The following WDFY1 variants were observed in gnomAD, a reference collection of about 807,000 sequenced individuals.
WDFY1 encodes the protein WD repeat and FYVE domain containing 1.
WDFY1 carries 32 observed loss-of-function variants against 56.4 expected under a neutral mutation model. The observed-to-expected ratio is 0.57, with a 90% confidence interval of 0.43 to 0.76. The LOEUF (loss-of-function observed/expected upper bound fraction) is 0.76, where lower values mean the gene tolerates loss of function less well. Among genes scored for constraint, WDFY1 ranks in the 30% least tolerant of loss-of-function variants. The pLI, the probability that WDFY1 is intolerant of heterozygous loss-of-function variation, is 0.00. For missense variants in WDFY1, 480 were observed against 545.7 expected, an observed-to-expected ratio of 0.88 and a Z score of 1.20; for synonymous variants, 192 against 197.3, an observed-to-expected ratio of 0.97 and a Z score of 0.23.
chr2:223,920,767 C>T (rs1237202338), intron 1 of WDFY1, among the ~76,000 whole-genome samples: 1 of 152,214 alleles, frequency 6.6e-6, no homozygotes, highest in African/African-American at 2.4e-5. Flanking sequence ...TCAGTGGATG[C>T]ATCCCTCCTC....
chr2:223,927,724 T>G (rs1272027515), intron 1 of WDFY1, among the ~76,000 whole-genome samples: 1 of 152,254 alleles, frequency 6.6e-6, no homozygotes, highest in African/African-American at 2.4e-5. Context: ...CTTGGCTGTT[T>G]GGTGCAAAAG....
rs1559165286 is a variant in WDFY1, at chr2:223,895,544, CGATGTCCCACAT to C, written c.673_684del (p.Met225_Ile228del). Reference sequence around the variant, plus strand: ...AACAGCGTCCGGCCTTTCCTTCCTCCGATGTCCCACATGATGATGCTGTTGTCAGATGCTCCT... The same window carrying C: ...AACAGCGTCCGGCCTTTCCTTCCTCCGATGATGCTGTTGTCAGATGCTCCT... On this transcript the variant is annotated inframe_deletion, in exon 7 of 12. Transcript: ENST00000233055. 3 of 1,614,018 alleles carry C rather than the reference CGATGTCCCACAT, an allele frequency of 1.9e-6. No homozygotes were observed. The Admixed American group carries it at 5.0e-5, about 27-fold the overall frequency.
At chr2:223,934,579 G>A (rs540439745) in intron 1 of WDFY1, among the ~76,000 whole-genome samples, 9 of 152,220 alleles carry the variant, frequency 5.9e-5, no homozygotes, top group Admixed American at 2.0e-4. Flanking sequence ...GGAGTGCAAT[G>A]GTACTATCTC....
intron 6 of WDFY1, among the ~76,000 whole-genome samples, chr2:223,896,018 T>C (rs1282816752): frequency 6.6e-6 from 1 of 151,480 alleles, no homozygotes; most frequent in Non-Finnish European, 1.5e-5. Flanking sequence ...TAGCCAGGCA[T>C]GGTGGCAGGC....
rs1200270298 is a variant in WDFY1 at position 223,877,241 on chromosome 2, G to C, written c.*1430C>G. ...ATTATAAAACAAATTTAGTCCTTTAGTTTTATCATATGGAATGACCCTATT... is the reference window on the plus strand; with the variant it reads ...ATTATAAAACAAATTTAGTCCTTTACTTTTATCATATGGAATGACCCTATT... On this transcript the variant is annotated 3_prime_UTR_variant, in exon 12 of 12. Coordinates refer to ENST00000233055, the MANE Select transcript of WDFY1 (RefSeq NM_020830.5). 1.3e-5 allele frequency: 2 copies of C among 150,854 alleles called. No individual in the cohort carries two copies. The highest frequency in any genetic ancestry group is 6.6e-5 in the Admixed American group (1 of 15,142). 9.3% of individuals were successfully genotyped at this position (150,854 alleles called of 1,614,324 possible). A position where few individuals can be genotyped will look rare whatever the true frequency, so the allele number is the denominator to read the frequency against.
intron 9 of WDFY1, among the ~76,000 whole-genome samples, chr2:223,883,968 A>G (rs909129261): frequency 2.0e-5 from 3 of 152,124 alleles, no homozygotes; most frequent in Non-Finnish European, 2.9e-5. Context: ...TAACACATAC[A>G]AACTTTAGGC....
chr2:223,887,913 A>G (rs1340023180), intron 8 of WDFY1, among the ~76,000 whole-genome samples: 2 of 152,164 alleles, frequency 1.3e-5, no homozygotes, highest in African/African-American at 2.4e-5. Context: ...AAAGGGACTA[A>G]GGTGGGTAGA....
intron 1 of WDFY1, among the ~76,000 whole-genome samples, chr2:223,933,743 G>T (rs1020646402): frequency 6.6e-6 from 1 of 151,736 alleles, no homozygotes; most frequent in Non-Finnish European, 1.5e-5. Flanking sequence ...GATCACTTGA[G>T]CCCACGAGTT....
In WDFY1 at chr2:223,894,224, T is replaced by G; in HGVS notation, c.831+10A>C. On this transcript the variant is annotated intron_variant, in intron 8 of 11. Coordinates refer to ENST00000233055, the MANE Select transcript of WDFY1 (RefSeq NM_020830.5). ...CCCCCGATCAGCCTGGACTTGCCCT[T>G]GTCTCTTACCTCTTCTCTGCTAACA... 1 of 1,614,056 alleles carries G rather than the reference T, an allele frequency of 6.2e-7. No homozygotes were observed. Among genetic ancestry groups the G allele is most frequent in the Non-Finnish European group, 8.5e-7 (1 of 1,179,910 alleles).
intron 1 of WDFY1, among the ~76,000 whole-genome samples, chr2:223,918,613 A>G (rs1693834449): frequency 6.8e-6 from 1 of 147,768 alleles, no homozygotes; most frequent in African/African-American, 2.5e-5. Flanking sequence ...CCTGGGCTAC[A>G]GAGTGAGACT....
At chr2:223,879,761 T>C (rs1198592190) in intron 11 of WDFY1, among the ~76,000 whole-genome samples, 1 of 152,180 alleles carries the variant, frequency 6.6e-6, no homozygotes, top group East Asian at 1.9e-4. Context: ...TTCCTTATAC[T>C]GAGGACGCAT....
At chr2:223,880,551 G>A (rs906937485) in intron 10 of WDFY1, among the ~76,000 whole-genome samples, 2 of 150,292 alleles carry the variant, frequency 1.3e-5, no homozygotes, top group African/African-American at 2.5e-5. Context: ...GGGCTGCAGT[G>A]AGCCGAGATT....
intron 1 of WDFY1, among the ~76,000 whole-genome samples, chr2:223,939,789 G>A (rs1689268036): frequency 1.3e-5 from 2 of 152,046 alleles, no homozygotes; most frequent in Admixed American, 1.3e-4. Flanking sequence ...TTTGGGTGGG[G>A]ACACAGCCAA....
At chr2:223,942,458 T>C (rs961098790) in intron 1 of WDFY1, among the ~76,000 whole-genome samples, 1 of 149,568 alleles carries the variant, frequency 6.7e-6, no homozygotes, top group East Asian at 2.0e-4. Flanking sequence ...GACCTTGTTA[T>C]CCACCCGCCT....
chr2:223,939,168 T>G (rs2106105365), intron 1 of WDFY1, among the ~76,000 whole-genome samples: 1 of 152,314 alleles, frequency 6.6e-6, no homozygotes, highest in Admixed American at 6.5e-5. Flanking sequence ...TTGGCAGAAA[T>G]GCCAACTCTC....
chr2:223,896,492 A>G (rs1693381073), intron 6 of WDFY1, among the ~76,000 whole-genome samples: 1 of 152,162 alleles, frequency 6.6e-6, no homozygotes, highest in Non-Finnish European at 1.5e-5. Context: ...AAAAATCTGA[A>G]CTTCACATTT....
intron 3 of WDFY1, among the ~76,000 whole-genome samples, chr2:223,911,766 A>G: frequency 6.6e-6 from 1 of 152,150 alleles, no homozygotes; most frequent in Admixed American, 6.6e-5. Context: ...ACTAGTTTAA[A>G]ATTAAGCAAT....
chr2:223,931,325 ACTT>A (rs1370784363), intron 1 of WDFY1, among the ~76,000 whole-genome samples: 1 of 152,226 alleles, frequency 6.6e-6, no homozygotes, highest in Non-Finnish European at 1.5e-5. Context: ...CAAGGATAAA[ACTT>A]CTGTATGCTT....
At chr2:223,918,101 C>T in intron 1 of WDFY1, 91 bp from the exon 2 acceptor site, 1 of 1,371,890 alleles carries the variant, frequency 7.3e-7, no homozygotes, top group Non-Finnish European at 1.0e-6. Flanking sequence ...ATTTGTTTAA[C>T]ACTATTTCCT....
Sources: gnomAD v4.1 joint callset for allele counts (sites outside exome capture counted in the v4.1 genomes callset) on GRCh38, gnomAD v4.1.1 for gene constraint, MANE v1.5 for transcripts, NCBI Gene and HGNC (gene_info 2026-07-23, HGNC 2026-07-21) for gene names.